PTPRT: variants seen among roughly 807,000 people sequenced by gnomAD.
PTPRT encodes protein tyrosine phosphatase receptor type T.
PTPRT carries 56 observed loss-of-function variants against 176.8 expected under a neutral mutation model. The observed-to-expected ratio is 0.32, with a 90% CI of 0.26 to 0.40. The LOEUF (loss-of-function observed/expected upper bound fraction) is 0.40. Among genes scored for constraint, PTPRT ranks in the 10% least tolerant of loss-of-function variants. The pLI is 1.00. For missense variants in PTPRT, 1,540 were observed against 1,908.2 expected, an observed-to-expected ratio of 0.81 and a Z score of 3.60; for synonymous variants, 783 against 739.0, an observed-to-expected ratio of 1.06 and a Z score of -0.96.
intron 10 of PTPRT, 86 bp downstream of exon 10, chr20:42,351,998 A>T (rs2058291133): frequency 9.8e-6 from 13 of 1,331,894 alleles, no homozygotes; most frequent in Non-Finnish European, 1.4e-5. Context: ...ACAGGGTGAC[A>T]ATTCAAGAAA....
chr20:42,039,702 AG>A, the PTPRT span, among the ~76,000 whole-genome samples: 717 of 141,936 alleles, frequency 5.1e-3, 29 homozygotes, highest in Middle Eastern at 0.023. Flanking sequence ...GTATATATAT[AG>A]TAATGTATAT....
chr20:42,720,306 A>C (rs919395922), intron 6 of PTPRT, among the ~76,000 whole-genome samples: 1 of 152,222 alleles, frequency 6.6e-6, no homozygotes, highest in African/African-American at 2.4e-5. Context: ...TTCCCATTTT[A>C]CATATGTGAA....
chr20:42,903,664 C>G (rs753840721), intron 1 of PTPRT, among the ~76,000 whole-genome samples: 1 of 152,070 alleles, frequency 6.6e-6, no homozygotes, highest in African/African-American at 2.4e-5. Flanking sequence ...GTACCTTGGC[C>G]GTTAAGTGTG....
At chr20:43,083,930 T>C (rs973434179) in intron 1 of PTPRT, among the ~76,000 whole-genome samples, 55 of 152,224 alleles carry the variant, frequency 3.6e-4, no homozygotes, top group African/African-American at 1.3e-3. Context: ...CTTAGCATGA[T>C]GTTTCTGAGG....
At chr20:42,193,864 TCTCA>T (rs1469180542) in intron 16 of PTPRT, among the ~76,000 whole-genome samples, 1 of 152,228 alleles carries the variant, frequency 6.6e-6, no homozygotes, top group Non-Finnish European at 1.5e-5. Flanking sequence ...TGATTATTTT[TCTCA>T]CTATTTTTTA....
chr20:42,701,677 T>C lies in PTPRT; in HGVS notation c.860-23518A>G, dbSNP rs377530430. Among the ~76,000 whole-genome samples, 15 of 152,236 alleles carry C rather than the reference T, an allele frequency of 9.9e-5. No individual in the cohort carries two copies. In the South Asian group the frequency reaches 2.3e-3, roughly 23 times the overall value. Reference sequence around the variant, plus strand: ...ACAAATTCCAAGGCAGAGCAAGATGTGGGCAATCCTATAGAGACTGGATGT... The same window carrying C: ...ACAAATTCCAAGGCAGAGCAAGATGCGGGCAATCCTATAGAGACTGGATGT... On this transcript the variant is annotated intron_variant, in intron 6 of 30. Coordinates refer to ENST00000373187, the MANE Select transcript of PTPRT (RefSeq NM_007050.6).
At chr20:42,744,754 G>C (rs1303331847) in intron 6 of PTPRT, among the ~76,000 whole-genome samples, 2 of 152,188 alleles carry the variant, frequency 1.3e-5, no homozygotes, top group Non-Finnish European at 2.9e-5. Context: ...CCCTCACCTT[G>C]AAATTGTCTG....
intron 7 of PTPRT, among the ~76,000 whole-genome samples, chr20:42,538,529 C>T (rs1316873455): frequency 6.6e-6 from 1 of 152,282 alleles, no homozygotes; most frequent in East Asian, 1.9e-4. Context: ...GAGCATCTTG[C>T]TAATTGCCAC....
chr20:42,099,278 C>T (rs1304351759), intron 26 of PTPRT, among the ~76,000 whole-genome samples: 1 of 151,982 alleles, frequency 6.6e-6, no homozygotes, highest in Non-Finnish European at 1.5e-5. Flanking sequence ...TTCCAAAGCT[C>T]ATGTTCTTCA....
chr20:42,205,687 T>C (rs2055439400), intron 15 of PTPRT, among the ~76,000 whole-genome samples: 1 of 152,162 alleles, frequency 6.6e-6, no homozygotes, highest in Non-Finnish European at 1.5e-5. Flanking sequence ...GGGGAGACAC[T>C]GATCAGGCAC....
chr20:42,803,659 T>G (rs547616133), intron 2 of PTPRT, among the ~76,000 whole-genome samples: 84 of 152,336 alleles, frequency 5.5e-4, no homozygotes, highest in Middle Eastern at 3.4e-3. Context: ...GTTCAAACAA[T>G]TCTCCTGCCT....
At chr20:43,089,720 G>A (rs2011747622) in intron 1 of PTPRT, among the ~76,000 whole-genome samples, 1 of 152,164 alleles carries the variant, frequency 6.6e-6, no homozygotes, top group Non-Finnish European at 1.5e-5. Flanking sequence ...TTGGAGGAAG[G>A]GCACCAATGG....
chr20:42,096,376 G>A (rs985832766), intron 27 of PTPRT, among the ~76,000 whole-genome samples: 1 of 152,178 alleles, frequency 6.6e-6, no homozygotes, highest in African/African-American at 2.4e-5. Flanking sequence ...GCCGAGGCAG[G>A]GGGAACACTT....
At chr20:42,994,942 G>A (rs1345838043) in intron 1 of PTPRT, among the ~76,000 whole-genome samples, 2 of 152,190 alleles carry the variant, frequency 1.3e-5, no homozygotes, top group Admixed American at 6.5e-5. Context: ...TGTGATGGGG[G>A]AATAAACTGT....
chr20:42,900,560 C>A (rs931896716), intron 1 of PTPRT, among the ~76,000 whole-genome samples: 1 of 152,166 alleles, frequency 6.6e-6, no homozygotes, highest in Non-Finnish European at 1.5e-5. Context: ...CCCGTAGCAT[C>A]AAAAGTGGTA....
At chr20:42,405,178 C>A (rs933617454) in intron 9 of PTPRT, among the ~76,000 whole-genome samples, 1 of 150,664 alleles carries the variant, frequency 6.6e-6, no homozygotes, top group Admixed American at 6.6e-5. Flanking sequence ...TTTCGCAGGC[C>A]ACATTTCTTT....
At position 42,946,177 on chromosome 20, in the gene PTPRT, G is replaced by C. The variant is rs552210518; in HGVS notation, c.89-60245C>G. The stretch of plus-strand genomic sequence containing the variant: ...CCTCCTCAGACCCACTAAGAAATGG[G>C]GACATCGGAATCATTGCACCTGGAA... On this transcript the variant is annotated intron_variant, in intron 1 of 30. Coordinates refer to ENST00000373187, the MANE Select transcript of PTPRT (RefSeq NM_007050.6). Among the ~76,000 whole-genome samples, 40 of 152,198 alleles carry C rather than the reference G, an allele frequency of 2.6e-4. 1 individual carries two copies. In the South Asian group the frequency reaches 8.3e-3, roughly 32 times the overall value.
At chr20:42,452,182 T>C (rs2070842820) in intron 8 of PTPRT, among the ~76,000 whole-genome samples, 1 of 151,720 alleles carries the variant, frequency 6.6e-6, no homozygotes, top group Non-Finnish European at 1.5e-5. Context: ...GGCAGGAGAA[T>C]TGCTTGAACC....
At chr20:42,644,185 C>T (rs952779393) in intron 7 of PTPRT, among the ~76,000 whole-genome samples, 1 of 152,142 alleles carries the variant, frequency 6.6e-6, no homozygotes, top group Non-Finnish European at 1.5e-5. Context: ...CTGTTCTCAT[C>T]CAGGCCTCAT....
Sources: gnomAD v4.1 joint callset for allele counts (sites outside exome capture counted in the v4.1 genomes callset) on GRCh38, gnomAD v4.1.1 for gene constraint, MANE v1.5 for transcripts, NCBI Gene and HGNC (gene_info 2026-07-23, HGNC 2026-07-21) for gene names.